The following FRMD6 variants were observed in gnomAD, a reference collection of about 807,000 sequenced individuals.
FRMD6 encodes FERM domain-containing protein 6.
FRMD6 carries 37 observed loss-of-function variants against 73.2 expected under a neutral mutation model. The observed-to-expected ratio is 0.51, with a 90% CI of 0.39 to 0.66. The LOEUF (loss-of-function observed/expected upper bound fraction) is 0.66, where lower values mean the gene tolerates loss of function less well. FRMD6 is among the 30% of genes least tolerant of loss of function. FRMD6 has a pLI of 0.00. For synonymous variants in FRMD6, 273 were observed against 282.2 expected, an observed-to-expected ratio of 0.97 and a Z score of 0.33; for missense variants, 714 against 780.5, an observed-to-expected ratio of 0.91 and a Z score of 1.02.
At chr14:51,707,362 A>G (rs1896683497) in intron 6 of FRMD6, among the ~76,000 whole-genome samples, 1 of 152,152 alleles carries the variant, frequency 6.6e-6, no homozygotes, top group Non-Finnish European at 1.5e-5. Context: ...CACATTGCAT[A>G]ATTCTTTCCA....
At chr14:51,521,877 A>G (rs780024700) in intron 1 of FRMD6, among the ~76,000 whole-genome samples, 1 of 152,186 alleles carries the variant, frequency 6.6e-6, no homozygotes, top group African/African-American at 2.4e-5. Context: ...AGTGATATTT[A>G]TGTACCATAA....
At chr14:51,605,312 A>C (rs958391402) in intron 2 of FRMD6, among the ~76,000 whole-genome samples, 1 of 152,054 alleles carries the variant, frequency 6.6e-6, no homozygotes, top group South Asian at 2.1e-4. Context: ...GTCCCTGGGT[A>C]CTTGAGATTA....
intron 1 of FRMD6, among the ~76,000 whole-genome samples, chr14:51,674,146 T>A (rs1894216772): frequency 6.6e-6 from 1 of 152,184 alleles, no homozygotes; most frequent in Non-Finnish European, 1.5e-5. Context: ...AAAAATCCAA[T>A]GGATTTACAA....
intron 2 of FRMD6, chr14:51,584,405 A>G (rs1956586): frequency 0.93 from 141,090 of 152,278 alleles, 65,486 homozygotes; most frequent in South Asian, 0.95. Context: ...GATTGAGAAA[A>G]CATGATAGGA....
the FRMD6 span, among the ~76,000 whole-genome samples, chr14:51,411,320 G>A: frequency 6.6e-6 from 1 of 152,152 alleles, no homozygotes; most frequent in Non-Finnish European, 1.5e-5. Context: ...AGGTTATAAC[G>A]AACCAAATTT....
chr14:51,657,653 C>T (rs141619725), intron 1 of FRMD6, among the ~76,000 whole-genome samples: 1 of 151,962 alleles, frequency 6.6e-6, no homozygotes, highest in African/African-American at 2.4e-5. Flanking sequence ...CTTTTGATGG[C>T]TCTAAAAAAT....
At chr14:51,496,029 T>C (rs1883271421) in intron 1 of FRMD6, among the ~76,000 whole-genome samples, 1 of 152,210 alleles carries the variant, frequency 6.6e-6, no homozygotes, top group Non-Finnish European at 1.5e-5. Flanking sequence ...GAAGTGATGA[T>C]ATGTTACTTC....
chr14:51,638,179 A>C (rs977450200), intron 2 of FRMD6, among the ~76,000 whole-genome samples: 4 of 152,250 alleles, frequency 2.6e-5, no homozygotes, highest in African/African-American at 9.6e-5. Context: ...CACTACTTGG[A>C]AGGCTGAGGT....
chr14:51,658,603 G>A (rs1274755233), intron 1 of FRMD6, among the ~76,000 whole-genome samples: 4 of 151,782 alleles, frequency 2.6e-5, no homozygotes, highest in Admixed American at 6.6e-5. Flanking sequence ...TCCAGTTATC[G>A]TTTCTTAAAG....
intron 1 of FRMD6, among the ~76,000 whole-genome samples, chr14:51,500,618 C>A (rs1448429750): frequency 6.6e-6 from 1 of 152,070 alleles, no homozygotes; most frequent in Admixed American, 6.6e-5. Flanking sequence ...GCTACTCACT[C>A]ATTTTTAGAT....
intron 1 of FRMD6, among the ~76,000 whole-genome samples, chr14:51,540,233 CTTG>C (rs1332850334): frequency 6.6e-6 from 1 of 152,110 alleles, no homozygotes; most frequent in East Asian, 1.9e-4. Context: ...GGGGCTGCCA[CTTG>C]TTGGTGTGTG....
chr14:51,649,114 T>C (rs1242909356), upstream of FRMD6, among the ~76,000 whole-genome samples: 1 of 152,216 alleles, frequency 6.6e-6, no homozygotes, highest in African/African-American at 2.4e-5. Context: ...ACACATCCTT[T>C]CTCAGCTCCC....
chr14:51,557,116 T>C (rs573132204), intron 1 of FRMD6, among the ~76,000 whole-genome samples: 1 of 151,676 alleles, frequency 6.6e-6, no homozygotes, highest in Admixed American at 6.6e-5. Flanking sequence ...TGAGACCCTG[T>C]CTGAAAAGAG....
upstream of FRMD6, among the ~76,000 whole-genome samples, chr14:51,487,241 C>T (rs904174424): frequency 6.6e-6 from 1 of 152,116 alleles, no homozygotes; most frequent in Admixed American, 6.6e-5. Context: ...TAGTTACAGT[C>T]CCTGTAAATG....
At chr14:51,632,998 T>C (rs1891395460) in intron 2 of FRMD6, among the ~76,000 whole-genome samples, 2 of 152,180 alleles carry the variant, frequency 1.3e-5, no homozygotes, top group African/African-American at 2.4e-5. Context: ...TATAACAAAA[T>C]GGCATTTTTA....
At chr14:51,432,388 G>T in the FRMD6 span, among the ~76,000 whole-genome samples, 2,832 of 152,128 alleles carry the variant, frequency 0.019, 91 homozygotes, top group African/African-American at 0.065. Context: ...TGAAACTCAG[G>T]AAAATTCCCT....
intron 1 of FRMD6, among the ~76,000 whole-genome samples, chr14:51,569,491 TTTTC>T (rs966036142): frequency 4.1e-5 from 6 of 146,882 alleles, no homozygotes; most frequent in East Asian, 4.0e-4. Context: ...TAGAATTTTC[TTTTC>T]TTTCTTTCTT....
chr14:51,548,793 C>A (rs1375084759), intron 1 of FRMD6, among the ~76,000 whole-genome samples: 1 of 152,184 alleles, frequency 6.6e-6, no homozygotes, highest in Non-Finnish European at 1.5e-5. Flanking sequence ...GAAGTCCATA[C>A]TTACTGATGT....
intron 1 of FRMD6, among the ~76,000 whole-genome samples, chr14:51,667,598 C>T (rs1311765416): frequency 6.6e-6 from 1 of 152,126 alleles, no homozygotes; most frequent in African/African-American, 2.4e-5. Context: ...AGGTCAGCTG[C>T]AGTGGTGCCA....
Sources: allele counts gnomAD v4.1 joint callset (sites outside exome capture counted in the v4.1 genomes callset), GRCh38; gene constraint gnomAD v4.1.1; transcripts MANE v1.5; gene names NCBI Gene and HGNC (gene_info 2026-07-23, HGNC 2026-07-21).